VAV2: variants seen among roughly 807,000 people sequenced by gnomAD.
The protein encoded by VAV2 is guanine nucleotide exchange factor VAV2.
VAV2 carries 67 observed loss-of-function variants against 132.5 expected under a neutral mutation model. The observed-to-expected ratio is 0.51, with a 90% CI of 0.42 to 0.62. The LOEUF is 0.62. VAV2 is among the 20% of genes least tolerant of loss of function. VAV2 has a pLI of 0.00. For synonymous variants in VAV2, 492 were observed against 443.5 expected (o/e 1.11, Z -1.37); for missense variants, 938 against 1,153.6 (o/e 0.81, Z 2.71).
chr9:133,937,695 T>G (rs574690018), intron 2 of VAV2, among the ~76,000 whole-genome samples: 2 of 152,142 alleles, frequency 1.3e-5, no homozygotes, highest in African/African-American at 4.8e-5. Context: ...TCTGTAGGAA[T>G]TGAGAAGCCA....
chr9:133,872,096 C>T (rs1172892667), intron 2 of VAV2, among the ~76,000 whole-genome samples: 1 of 152,234 alleles, frequency 6.6e-6, no homozygotes, highest in African/African-American at 2.4e-5. Context: ...GTGAGCTCCT[C>T]AAGGGGGTGG....
chr9:133,771,062 C>CTTTT (rs148597917), intron 26 of VAV2, among the ~76,000 whole-genome samples: 11 of 117,698 alleles, frequency 9.3e-5, no homozygotes, highest in Admixed American at 4.6e-4. Flanking sequence ...TATGGATTTT[C>CTTTT]TTTTTTTTTT....
chr9:133,954,329 G>A (rs971476223), intron 1 of VAV2, among the ~76,000 whole-genome samples: 4 of 152,222 alleles, frequency 2.6e-5, no homozygotes, highest in Admixed American at 6.5e-5. Flanking sequence ...GGCCCAGGCT[G>A]CCAAATCAGT....
chr9:133,771,692 T>C (rs1332278024), intron 26 of VAV2, among the ~76,000 whole-genome samples: 3 of 152,184 alleles, frequency 2.0e-5, no homozygotes, highest in Non-Finnish European at 2.9e-5. Context: ...CTGGGGCTGC[T>C]GGTGGCCTGG....
intron 9 of VAV2, among the ~76,000 whole-genome samples, chr9:133,803,342 G>C (rs983481010): frequency 6.6e-6 from 1 of 152,072 alleles, no homozygotes; most frequent in Non-Finnish European, 1.5e-5. Context: ...CCAGCTCCCC[G>C]AGGTCGTTCC....
chr9:133,827,244 ACTGAG>A (rs1564384084), intron 4 of VAV2, among the ~76,000 whole-genome samples: 28 of 47,558 alleles, frequency 5.9e-4, no homozygotes, highest in South Asian at 2.1e-3. Flanking sequence ...GGGGCTGACC[ACTGAG>A]CGGGGGCATC....
chr9:133,765,092 G>C (rs1322491750), intron 29 of VAV2, among the ~76,000 whole-genome samples: 1 of 152,132 alleles, frequency 6.6e-6, no homozygotes, highest in Non-Finnish European at 1.5e-5. Flanking sequence ...CAGGAGAAAA[G>C]AAAGTTTTCC....
In VAV2 at chr9:133,913,704, G is replaced by A. The variant is rs551830076; in HGVS notation, c.321+25399C>T. On this transcript the variant is annotated intron_variant, in intron 2 of 29. Transcript: ENST00000371850. Reference sequence around the variant, plus strand: ...AAGTCAGGGCAAACAGCAGGGCCACGACTGAGAACTCCCAACCCCATGGAG... The same window carrying A: ...AAGTCAGGGCAAACAGCAGGGCCACAACTGAGAACTCCCAACCCCATGGAG... Among the ~76,000 whole-genome samples the A allele has an allele frequency of 4.5e-3, 690 of 152,354 alleles. 6 individuals are homozygous for A. Among genetic ancestry groups the A allele is most frequent in the African/African-American group, 0.015 (644 of 41,588 alleles).
At chr9:133,875,498 A>G (rs1177156986) in intron 2 of VAV2, among the ~76,000 whole-genome samples, 2 of 152,198 alleles carry the variant, frequency 1.3e-5, no homozygotes, top group African/African-American at 4.8e-5. Context: ...AGAGAGTCTG[A>G]GCAGCTCGAA....
chr9:133,981,355 G>A (rs539540878), intron 1 of VAV2, among the ~76,000 whole-genome samples: 3 of 152,238 alleles, frequency 2.0e-5, no homozygotes, highest in African/African-American at 7.2e-5. Context: ...CGCGCCCAGG[G>A]CTTCACCTTC....
intron 4 of VAV2, among the ~76,000 whole-genome samples, chr9:133,819,675 G>A (rs1282701265): frequency 1.3e-5 from 2 of 152,190 alleles, no homozygotes; most frequent in African/African-American, 4.8e-5. Flanking sequence ...TCCTTGTGGA[G>A]CCCAGAGCAC....
At position 133,770,387 on chromosome 9, in the gene VAV2, G is replaced by C. The variant is rs765122995; in HGVS notation, c.2338C>G (p.Arg780Gly). The C allele has an allele frequency of 6.2e-7, 1 of 1,614,038 alleles. No individual in the cohort carries two copies. The highest frequency in any genetic ancestry group is 8.5e-7 in the Non-Finnish European group (1 of 1,179,924). Residue 780 changes from arginine to glycine, a missense_variant, in exon 27 of 30, where the codon CGG becomes GGG. Transcript: ENST00000371850. ...TGGGCCGGGGCGTTACCTGGGGACC[G>C]GCTGGAGGCCCTGGAGGCCGAACGT... is the stretch of plus-strand genomic sequence containing the variant. ...RERSASRASS[R>G]SPASCASYNF...
Position 133,991,052 on chromosome 9 carries a change from G to C in VAV2, c.204+1023C>G, listed in dbSNP as rs1256768068. On this transcript the variant is annotated intron_variant, in intron 1 of 29. Transcript: ENST00000371850. This position sits in a 1 kb window ranked among gnomAD's most constrained non-coding sequence, Gnocchi z 4.8. ...GTGACTCACTCTCCCTCCTTCCCAG[G>C]AACCACGTCCTAAGTCCCACTGGTG... 6.6e-6 allele frequency among the ~76,000 whole-genome samples: 1 copy of C among 152,158 alleles called. No individual in the cohort carries two copies. Among genetic ancestry groups the C allele is most frequent in the Non-Finnish European group, 1.5e-5 (1 of 68,022 alleles).
At chr9:133,972,618 G>A (rs1842375376) in intron 1 of VAV2, among the ~76,000 whole-genome samples, 1 of 152,206 alleles carries the variant, frequency 6.6e-6, no homozygotes, top group Non-Finnish European at 1.5e-5. Flanking sequence ...CCCAGAGCAT[G>A]GAGCACAGAC....
At chr9:133,882,246 C>A (rs560007328) in intron 2 of VAV2, among the ~76,000 whole-genome samples, 1 of 152,354 alleles carries the variant, frequency 6.6e-6, no homozygotes, top group East Asian at 1.9e-4. Context: ...CTGAACCCTG[C>A]AGTGAAGCAG....
intron 2 of VAV2, among the ~76,000 whole-genome samples, chr9:133,930,304 A>G (rs1282549779): frequency 1.8e-5 from 2 of 113,864 alleles, no homozygotes; most frequent in African/African-American, 6.8e-5. Context: ...TGGCCTCCTC[A>G]CTCCCTCCTG....
In VAV2 at chr9:133,774,961, C is replaced by T. The variant is rs550943838; in HGVS notation, c.2109G>A (p.Glu703=). ...TGATGCTTATTGCAAAGCGCTCAGC[C>T]TCGGCAGGCCGCTCCCTGATCAGGT... ...GTYLIRERPA[E]AERFAISIKF... The change falls in exon 25 of 30, where the codon GAG becomes GAA. Residue 703 remains glutamate (E), a synonymous_variant. Coordinates refer to ENST00000371850, the MANE Select transcript of VAV2 (RefSeq NM_001134398.2). The T allele has an allele frequency of 1.1e-5, 18 of 1,613,392 alleles. No homozygotes were observed. The East Asian group carries it at 2.0e-4, about 18-fold the overall frequency.
At position 133,834,201 on chromosome 9, in the gene VAV2, T is replaced by C. The variant is rs967682728; in HGVS notation, c.449+71A>G. ...TGTGGCCGCCATGTTTCCTCCTGAC[T>C]CCCTGGACACCACCAGGAACCTCCC... On this transcript the variant is annotated intron_variant, in intron 4 of 29. Coordinates refer to ENST00000371850, the MANE Select transcript of VAV2 (RefSeq NM_001134398.2). The surrounding 1 kb of genome is among the most constrained non-coding windows in gnomAD (Gnocchi z 5.9). The C allele has an allele frequency of 1.3e-6, 2 of 1,528,324 alleles. No individual in the cohort carries two copies. Among genetic ancestry groups the C allele is most frequent in the Non-Finnish European group, 1.8e-6 (2 of 1,126,768 alleles). The allele number at this position is 1,528,324 out of a possible 1,614,324, so 94.7% of individuals were successfully genotyped here. A position where few individuals can be genotyped will look rare whatever the true frequency, so the allele number is the denominator to read the frequency against.
chr9:133,773,023 G>A (rs1439987918), intron 25 of VAV2, among the ~76,000 whole-genome samples: 44 of 134,188 alleles, frequency 3.3e-4, no homozygotes, highest in African/African-American at 1.1e-3. Flanking sequence ...TAGGCTGGAC[G>A]GCAGAGCCTA....
Sources: allele counts gnomAD v4.1 joint callset (sites outside exome capture counted in the v4.1 genomes callset), GRCh38; gene constraint gnomAD v4.1.1; non-coding constraint Gnocchi (gnomAD v3.1); transcripts MANE v1.5; gene names NCBI Gene and HGNC (gene_info 2026-07-23, HGNC 2026-07-21).